Variants in PXDN observed in about 807,000 individuals in gnomAD.
The protein encoded by PXDN is peroxidasin homolog.
PXDN carries 77 observed loss-of-function variants against 140.3 expected under a neutral mutation model. That is an observed-to-expected ratio of 0.55 (90% confidence interval 0.46 to 0.66). The LOEUF (loss-of-function observed/expected upper bound fraction) is 0.66. Among genes scored for constraint, PXDN ranks in the 30% least tolerant of loss-of-function variants. The probability of loss-of-function intolerance (pLI) is 0.00; values close to 1 mark genes in which losing one functional copy is unlikely to be tolerated. For missense variants in PXDN, 1,838 were observed against 2,039.5 expected, an observed-to-expected ratio of 0.90 and a Z score of 1.90; for synonymous variants, 911 against 857.4, an observed-to-expected ratio of 1.06 and a Z score of -1.09.
Position 1,639,018 on chromosome 2 carries a change from T to C in PXDN, c.4074-40A>G, listed in dbSNP as rs66753271. ...AAGGAGGAGGAGGGAAATATAACCTTGGCAGGTCACGCCGGGTCTCATTTC... is the reference window on the plus strand; with the variant it reads ...AAGGAGGAGGAGGGAAATATAACCTCGGCAGGTCACGCCGGGTCTCATTTC... On this transcript the variant is annotated intron_variant, in intron 20 of 22. Transcript: ENST00000252804. The surrounding 1 kb of genome is among the most constrained non-coding windows in gnomAD (Gnocchi z 5.0). The C allele has an allele frequency of 0.076, 122,873 of 1,607,684 alleles. 5,337 individuals carry two copies. The highest frequency in any genetic ancestry group is 0.13 in the African/African-American group (10,042 of 74,724).
chr2:1,653,972 C>T (rs1558491920), intron 15 of PXDN, 187 bp from the exon 16 acceptor site: 6 of 637,814 alleles, frequency 9.4e-6, no homozygotes, highest in South Asian at 2.6e-5. Flanking sequence ...AGACAAAAAC[C>T]GGAAGACACT....
intron 14 of PXDN, among the ~76,000 whole-genome samples, chr2:1,655,913 A>C (rs1001844873): frequency 6.6e-6 from 1 of 151,710 alleles, no homozygotes; most frequent in Admixed American, 6.6e-5. Flanking sequence ...CACACACATC[A>C]CATTAGACAC....
In PXDN at chr2:1,653,685, A is replaced by G. The variant is rs1683065206; in HGVS notation, c.2047T>C (p.Leu683=). Residue 683 remains leucine (L), a synonymous_variant, in exon 16 of 23, where the codon TTG becomes CTG. Transcript: ENST00000252804. ...ARAGEIFERT[L]QLIQEHVQHG... is the part of the protein sequence containing the mutation. ...TGTACATGCTCCTGAATGAGCTGCA[A>G]TGTCCGTTCAAAGATTTCTCCCGCC... 1.2e-6 allele frequency: 2 copies of G among 1,611,516 alleles called. No individual in the cohort carries two copies. The highest frequency in any genetic ancestry group is 1.7e-6 in the Non-Finnish European group (2 of 1,179,056).
rs1572140539 is a variant in PXDN at position 1,664,990 on chromosome 2, T to C, written c.1376A>G (p.Asn459Ser). ...GGTCCAGGCGATGACGGGCGGCGGG[T>C]TGCCCTTGGCTTCACACTGGAAATC... ...TVDFQCEAKG[N>S]PPPVIAWTKG... Residue 459 changes from asparagine (N) to serine (S), a missense_variant, in exon 11 of 23, where the codon AAC becomes AGC. Transcript: ENST00000252804. 6.2e-7 allele frequency: 1 copy of C among 1,612,620 alleles called. No individual in the cohort carries two copies. The highest frequency in any genetic ancestry group is 8.5e-7 in the Non-Finnish European group (1 of 1,179,300).
At chr2:1,658,031 T>TCGCTCTCTCG (rs1194597994) in intron 14 of PXDN, among the ~76,000 whole-genome samples, 260 of 2,632 alleles carry the variant, frequency 0.099, 15 homozygotes, top group African/African-American at 0.15. Context: ...CTGTGGGCTC[T>TCGCTCTCTCG]CTCTCTCTCT....
rs148408940 is a variant in PXDN, at chr2:1,673,907, C to T, written c.849-95G>A. ...CAGGGGTTTCCAGCCCTGCAGCAGG[C>T]ACAACTTGTGCGAGGAACAGCTCAC... On this transcript the variant is annotated intron_variant, in intron 8 of 22. Coordinates refer to ENST00000252804, the MANE Select transcript of PXDN (RefSeq NM_012293.3). 2,477 of 1,387,906 alleles carry T rather than the reference C, an allele frequency of 1.8e-3. 9 individuals are homozygous for T. The highest frequency in any genetic ancestry group is 2.2e-3 in the Non-Finnish European group (2,242 of 996,716). 86.0% of individuals were successfully genotyped at this position (1,387,906 alleles called of 1,614,324 possible).
At chr2:1,635,546 T>C in intron 21 of PXDN, 25 bp from the exon 22 acceptor site, 1 of 1,508,404 alleles carries the variant, frequency 6.6e-7, no homozygotes, top group Non-Finnish European at 9.1e-7. Flanking sequence ...AGAACATTCA[T>C]TCATTGGGCA....
intron 17 of PXDN, among the ~76,000 whole-genome samples, chr2:1,645,455 T>C (rs1311994182): frequency 1.3e-5 from 2 of 152,192 alleles, no homozygotes; most frequent in East Asian, 3.9e-4. Flanking sequence ...TTTTAACATA[T>C]ATATATTCTA....
At chr2:1,635,314 G>T in intron 22 of PXDN, 94 bp downstream of exon 22, 1 of 1,057,234 alleles carries the variant, frequency 9.5e-7, no homozygotes, top group Non-Finnish European at 1.4e-6. Flanking sequence ...GAGGGGCCTG[G>T]CCCTGACATC....
rs371338372 is a variant in PXDN, at chr2:1,648,524, C to T, written c.3256G>A (p.Glu1086Lys). 56 of 1,613,074 alleles carry T rather than the reference C, an allele frequency of 3.5e-5. No individual in the cohort carries two copies. Among genetic ancestry groups the T allele is most frequent in the Non-Finnish European group, 4.2e-5 (50 of 1,179,884 alleles). The change falls in exon 17 of 23, where the codon GAG (glutamate) becomes AAG (lysine). Residue 1086 changes from glutamate (E) to lysine (K), a missense_variant. Physicochemically the swap from Glu to Lys is moderately conservative, Grantham distance 56 (BLOSUM62 1). Coordinates refer to ENST00000252804, the MANE Select transcript of PXDN (RefSeq NM_012293.3). This position sits in a 1 kb window ranked among gnomAD's most constrained non-coding sequence, Gnocchi z 8.9. Reference protein sequence around the residue: ...LVNPLLYRLDENFQPIAQDHL... With the variant: ...LVNPLLYRLDKNFQPIAQDHL... Reference sequence around the variant, plus strand: ...TCTTGTGCAATGGGCTGGAAGTTCTCGTCCAGCCGGTAAAGCAGTGGGTTG... The same window carrying T: ...TCTTGTGCAATGGGCTGGAAGTTCTTGTCCAGCCGGTAAAGCAGTGGGTTG...
intron 1 of PXDN, among the ~76,000 whole-genome samples, chr2:1,728,306 C>A (rs1366242721): frequency 6.6e-6 from 1 of 152,232 alleles, no homozygotes; most frequent in Admixed American, 6.5e-5. Flanking sequence ...TCGCTTGAGG[C>A]GGTCACACGG....
Position 1,649,081 on chromosome 2 carries a change from C to T in PXDN, c.2699G>A (p.Arg900Gln), listed in dbSNP as rs757339869. The change falls in exon 17 of 23, where the codon CGG becomes CAG. Residue 900 changes from arginine to glutamine, a missense_variant. Transcript: ENST00000252804. This position sits in a 1 kb window ranked among gnomAD's most constrained non-coding sequence, Gnocchi z 7.1. ...GGAGGTGAGCTGGTTGATCTGCTCCCGCGGGTACACGGAGTTCATGAGCAG... is the reference window on the plus strand; with the variant it reads ...GGAGGTGAGCTGGTTGATCTGCTCCTGCGGGTACACGGAGTTCATGAGCAG... ...TSLLMNSVYPREQINQLTSYI... is the reference protein window; with the variant it reads ...TSLLMNSVYPQEQINQLTSYI... 1.6e-5 allele frequency: 25 copies of T among 1,612,528 alleles called. No homozygotes were observed. Among genetic ancestry groups the T allele is most frequent in the Non-Finnish European group, 1.9e-5 (23 of 1,179,762 alleles).
At chr2:1,681,847 G>T (rs990103999) in intron 6 of PXDN, among the ~76,000 whole-genome samples, 1 of 152,180 alleles carries the variant, frequency 6.6e-6, no homozygotes, top group Non-Finnish European at 1.5e-5. Context: ...CTGGTGGAGC[G>T]AGCTGCTCAG....
intron 9 of PXDN, among the ~76,000 whole-genome samples, chr2:1,668,083 G>A (rs1026059073): frequency 1.3e-5 from 2 of 152,112 alleles, no homozygotes; most frequent in African/African-American, 2.4e-5. Context: ...AAAACAACAC[G>A]ATAGTGCTAC....
chr2:1,738,028 C>T (rs374142511), intron 1 of PXDN, among the ~76,000 whole-genome samples: 22 of 152,280 alleles, frequency 1.4e-4, no homozygotes, highest in African/African-American at 5.3e-4. Flanking sequence ...AACAATTCAA[C>T]CATCCAGCCT....
At chr2:1,683,871 A>C (rs928189111) in intron 5 of PXDN, 144 bp from the exon 6 acceptor site, 8 of 915,490 alleles carry the variant, frequency 8.7e-6, no homozygotes, top group Non-Finnish European at 1.1e-5. Flanking sequence ...TCTGAAAACA[A>C]AAGAAATGGT....
Position 1,643,394 on chromosome 2 carries a change from A to G in PXDN, c.3926T>C (p.Leu1309Pro). The change falls in exon 19 of 23, where the codon CTC becomes CCC. Residue 1309 changes from leucine to proline, a missense_variant. Physicochemically the swap from Leu to Pro is moderately conservative, Grantham distance 98 (BLOSUM62 -3). This residue lies in a region of PXDN where 850 missense variants were observed against 894.1 expected (regional missense o/e 0.95). Transcript: ENST00000252804. The stretch of plus-strand genomic sequence containing the variant: ...TTCACAGCAGTCCTGCCACACCCGG[A>G]GGTCTACCCTGGGGATCTCGTCACA... The part of the protein sequence containing the change: ...GSCDEIPRVD[L>P]RVWQDCCEDC... 1.2e-6 allele frequency: 2 copies of G among 1,613,884 alleles called. No homozygotes were observed. The highest frequency in any genetic ancestry group is 2.2e-5 in the South Asian group (2 of 91,074).
intron 1 of PXDN, among the ~76,000 whole-genome samples, chr2:1,726,164 T>A (rs1339074471): frequency 2.0e-5 from 3 of 151,738 alleles, no homozygotes; most frequent in African/African-American, 4.8e-5. Flanking sequence ...AATAGCAAAG[T>A]CTTGGAACCA....
At position 1,654,453 on chromosome 2, in the gene PXDN, C is replaced by A; in HGVS notation, c.1893G>T (p.Ala631=). The A allele has an allele frequency of 6.2e-7, 1 of 1,613,808 alleles. No individual in the cohort carries two copies. The highest frequency in any genetic ancestry group is 8.5e-7 in the Non-Finnish European group (1 of 1,179,744). The change falls in exon 15 of 23, where the codon GCG becomes GCT. Residue 631 remains alanine (A), a synonymous_variant. Transcript: ENST00000252804. ...TTATAGCTCTGTCAACAGTCGCAAT[C>A]GCTTCCACGATGGAGGTAGCTACAA... ...DPFVATSIVE[A]IATVDRAINS... is the part of the protein sequence containing the mutation.
Sources: allele counts gnomAD v4.1 joint callset (sites outside exome capture counted in the v4.1 genomes callset), GRCh38; gene constraint gnomAD v4.1.1; regional missense constraint gnomAD v4.1.1; non-coding constraint Gnocchi (gnomAD v3.1); transcripts MANE v1.5; gene names NCBI Gene and HGNC (gene_info 2026-07-23, HGNC 2026-07-21).